BIN2: variants seen among roughly 807,000 people sequenced by gnomAD.
The protein encoded by BIN2 is breast cancer associated protein BRAP1.
A neutral mutation model predicts 67.9 loss-of-function variants in BIN2; 43 were observed. The ratio of observed to expected loss-of-function variants is 0.63; its 90% confidence interval spans 0.50 to 0.82. The LOEUF (loss-of-function observed/expected upper bound fraction) is 0.82. BIN2 is among the 40% of genes least tolerant of loss of function. The pLI is 0.00. For missense variants in BIN2, 581 were observed against 671.6 expected, an observed-to-expected ratio of 0.87 and a Z score of 1.49; for synonymous variants, 244 against 246.8, an observed-to-expected ratio of 0.99 and a Z score of 0.11.
chr12:51,290,148 C>T (rs914738376), intron 10 of BIN2, among the ~76,000 whole-genome samples: 1 of 151,366 alleles, frequency 6.6e-6, no homozygotes, highest in Non-Finnish European at 1.5e-5. Flanking sequence ...GAGACACAGT[C>T]TCACTCTGTT....
At chr12:51,318,151 A>G (rs1946180068) in intron 1 of BIN2, among the ~76,000 whole-genome samples, 1 of 152,120 alleles carries the variant, frequency 6.6e-6, no homozygotes, top group South Asian at 2.1e-4. Flanking sequence ...GAATGAAGCT[A>G]GAAAGGGAGA....
Position 51,324,022 on chromosome 12 carries a change from C to T in BIN2, c.81G>A (p.Lys27=), listed in dbSNP as rs1946363762. Residue 27 remains lysine (K), a splice_region_variant and synonymous_variant, in exon 1 of 13, where the codon AAG becomes AAA. Coordinates refer to ENST00000615107, the MANE Select transcript of BIN2 (RefSeq NM_016293.4). ...CAGACAGCGAGGCCCGGCCACCTAC[C>T]TTCTCCTGGGCCCTGCTAAACTTCT... ...VQKKFSRAQE[K]VLQKLGKAVE... is the part of the protein sequence containing the mutation. 3 of 1,613,286 alleles carry T rather than the reference C, an allele frequency of 1.9e-6. No individual in the cohort carries two copies. In the South Asian group the frequency reaches 3.3e-5, roughly 18 times the overall value.
rs780327157 is a variant in BIN2 at position 51,288,104 on chromosome 12, G to A, written c.1596+4C>T. 4 of 1,605,936 alleles carry A rather than the reference G, an allele frequency of 2.5e-6. No homozygotes were observed. The African/African-American group carries it at 5.3e-5, about 21-fold the overall frequency. ...ATCATGTAGATGACTTAGGCTTTTA[G>A]TACCTCCGAGGAGTTAGCTGAGATA... On this transcript the variant is annotated splice_donor_region_variant and intron_variant, in intron 11 of 12. Coordinates refer to ENST00000615107, the MANE Select transcript of BIN2 (RefSeq NM_016293.4).
At chr12:51,295,095 G>A (rs1381439060) in intron 9 of BIN2, among the ~76,000 whole-genome samples, 2 of 151,888 alleles carry the variant, frequency 1.3e-5, no homozygotes, top group African/African-American at 4.8e-5. Flanking sequence ...ACCTTGCCCG[G>A]CTAATTTTTT....
chr12:51,313,779 C>T, intron 2 of BIN2, 44 bp downstream of exon 2: 1 of 1,535,952 alleles, frequency 6.5e-7, no homozygotes, highest in Non-Finnish European at 9.0e-7. Flanking sequence ...GCCCTCGTGT[C>T]TCCTTTCTTC....
chr12:51,297,285 C>A (rs903311342), intron 7 of BIN2, 121 bp from the exon 8 acceptor site: 12 of 934,738 alleles, frequency 1.3e-5, no homozygotes, highest in Non-Finnish European at 1.8e-5. Context: ...TGAAAGCCAT[C>A]CCGCTGGGCA....
intron 9 of BIN2, 138 bp from the exon 10 acceptor site, chr12:51,292,482 A>G (rs1345217187): frequency 9.9e-7 from 1 of 1,005,138 alleles, no homozygotes; most frequent in East Asian, 2.7e-5. Context: ...TTACAATAAC[A>G]CTTATACAGT....
chr12:51,316,356 AGTGGTGG>A (rs1946132713), intron 1 of BIN2, among the ~76,000 whole-genome samples: 1 of 147,490 alleles, frequency 6.8e-6, no homozygotes, highest in Non-Finnish European at 1.5e-5. Flanking sequence ...ATTAGCCGGG[AGTGGTGG>A]CAGACGCATG....
rs546375480 is a variant in BIN2, at chr12:51,302,040, C to T, written c.388G>A (p.Ala130Thr). ...AGTACCTTAATTTCACTGAACTGGG[C>T]AACATAGATTTCCATGGTCCTTACA... Reference protein sequence around the residue: ...QAVRTMEIYVAQFSEIKERIA... With the variant: ...QAVRTMEIYVTQFSEIKERIA... Residue 130 changes from alanine to threonine, a missense_variant, in exon 5 of 13, where the codon GCC (alanine) becomes ACC (threonine). Coordinates refer to ENST00000615107, the MANE Select transcript of BIN2 (RefSeq NM_016293.4). 8 of 1,613,174 alleles carry T rather than the reference C, an allele frequency of 5.0e-6. No homozygotes were observed. In the African/African-American group the frequency reaches 9.3e-5, roughly 19 times the overall value.
chr12:51,290,542 A>G (rs2137355255), intron 10 of BIN2, among the ~76,000 whole-genome samples: 1 of 151,790 alleles, frequency 6.6e-6, no homozygotes, highest in East Asian at 1.9e-4. Flanking sequence ...GAAGTCAATT[A>G]CTGGCTGGGC....
intron 2 of BIN2, among the ~76,000 whole-genome samples, chr12:51,312,091 G>T (rs1946011307): frequency 6.6e-6 from 1 of 152,004 alleles, no homozygotes; most frequent in South Asian, 2.1e-4. Flanking sequence ...AATTTTTATA[G>T]ATGTGTCAAT....
rs777060250 is a variant in BIN2 at position 51,292,191 on chromosome 12, T to C, written c.915A>G (p.Gln305=). The C allele has an allele frequency of 1.9e-6, 3 of 1,612,994 alleles. No individual in the cohort carries two copies. In the South Asian group the frequency reaches 3.3e-5, roughly 18 times the overall value. ...ATEDLAPDAA[Q]GEDNSEIKEL... is the part of the protein sequence containing the mutation. ...CCTTGATCTCAGAATTGTCTTCCCCTTGGGCTGCATCAGGTGCCAGATCTT... is the reference window on the plus strand; with the variant it reads ...CCTTGATCTCAGAATTGTCTTCCCCCTGGGCTGCATCAGGTGCCAGATCTT... Residue 305 remains glutamine, a synonymous_variant, in exon 10 of 13, where the codon CAA becomes CAG. Coordinates refer to ENST00000615107, the MANE Select transcript of BIN2 (RefSeq NM_016293.4).
intron 5 of BIN2, among the ~76,000 whole-genome samples, chr12:51,300,992 C>T (rs546115825): frequency 5.3e-5 from 8 of 152,178 alleles, no homozygotes; most frequent in African/African-American, 1.2e-4. Flanking sequence ...AGGCCGTGGG[C>T]GGATCACCTG....
chr12:51,283,883 A>T (rs1945175624), intron 12 of BIN2, among the ~76,000 whole-genome samples: 4 of 151,514 alleles, frequency 2.6e-5, no homozygotes, highest in African/African-American at 7.3e-5. Flanking sequence ...AATCCCAGCT[A>T]CTCAGGAGGC....
chr12:51,295,281 G>T (rs1227548480), intron 9 of BIN2, among the ~76,000 whole-genome samples: 1 of 151,262 alleles, frequency 6.6e-6, no homozygotes. Flanking sequence ...GGGCGCGGTG[G>T]CTCACGCCTG....
At chr12:51,289,221 TAAA>T (rs34273110) in intron 10 of BIN2, among the ~76,000 whole-genome samples, 101,755 of 151,918 alleles carry the variant, frequency 0.67, 37,796 homozygotes, top group Non-Finnish European at 0.85. Flanking sequence ...AAATGTATCT[TAAA>T]AAAAAGTCTT....
chr12:51,290,933 AAAAAC>A (rs10623986), intron 10 of BIN2, among the ~76,000 whole-genome samples: 4 of 148,800 alleles, frequency 2.7e-5, no homozygotes, highest in Admixed American at 6.7e-5. Context: ...ACTCCGTCTC[AAAAAC>A]AAAACAAAAC....
At chr12:51,294,417 A>T (rs1362840014) in intron 9 of BIN2, among the ~76,000 whole-genome samples, 3 of 152,106 alleles carry the variant, frequency 2.0e-5, no homozygotes, top group African/African-American at 7.2e-5. Flanking sequence ...AAATACAAAA[A>T]TTAGCCGGGT....
In BIN2 at chr12:51,295,574, AAAAATATATATATAT is replaced by A. The variant is rs1945528983; in HGVS notation, c.761+207_761+221del. ...TGAGACTCCGTCTCAAAAAAAAAAAAAAAATATATATATATATATATATATATATATATATATATA... is the reference window on the plus strand; with the variant it reads ...TGAGACTCCGTCTCAAAAAAAAAAAAATATATATATATATATATATATATA... On this transcript the variant is annotated intron_variant, in intron 9 of 12. Transcript: ENST00000615107. Among the ~76,000 whole-genome samples, 5 of 16,612 alleles carry A rather than the reference AAAAATATATATATAT, an allele frequency of 3.0e-4. No homozygotes were observed. In the Admixed American group the frequency reaches 5.6e-3, roughly 19 times the overall value. 10.9% of individuals were successfully genotyped at this position (16,612 alleles called of 152,430 possible).
Sources: allele counts gnomAD v4.1 joint callset (sites outside exome capture counted in the v4.1 genomes callset), GRCh38; gene constraint gnomAD v4.1.1; transcripts MANE v1.5; gene names NCBI Gene and HGNC (gene_info 2026-07-23, HGNC 2026-07-21).